Variants in LARGE1 observed in about 807,000 individuals in gnomAD.
LARGE1 encodes LARGE xylosyl- and glucuronyltransferase 1.
Under a neutral mutation model 87.6 loss-of-function variants are expected in LARGE1, and 43 were observed. The ratio of observed to expected loss-of-function variants is 0.49; its 90% confidence interval spans 0.38 to 0.63. The LOEUF (loss-of-function observed/expected upper bound fraction) is 0.63. LARGE1 is among the 30% of genes least tolerant of loss of function. The pLI, the probability that LARGE1 is intolerant of heterozygous loss-of-function variation, is 0.00. For synonymous variants in LARGE1, 434 were observed against 394.6 expected, an observed-to-expected ratio of 1.10 and a Z score of -1.18; for missense variants, 802 against 1,000.2, an observed-to-expected ratio of 0.80 and a Z score of 2.67.
Position 33,432,257 on chromosome 22 carries a change from C to G in LARGE1, c.796G>C (p.Val266Leu), listed in dbSNP as rs145594612. ...CTCTGGTTCTCCACCAAGCCCAGGA[C>G]TTGCTGACCTGTGAGGTACAGAGAA... ...AVFHKFKGQQVLGLVENQSDW... is the reference protein window; with the variant it reads ...AVFHKFKGQQLLGLVENQSDW... Residue 266 changes from valine to leucine, a missense_variant, in exon 7 of 15, where the codon GTC becomes CTC. Around this residue, in one of 2 missense-constraint regions of LARGE1, gnomAD observed 625 missense variants for 841.9 expected, o/e 0.74. Coordinates refer to ENST00000397394, the MANE Select transcript of LARGE1 (RefSeq NM_133642.5). 8.1e-5 allele frequency: 131 copies of G among 1,613,664 alleles called. No homozygotes were observed. Among genetic ancestry groups the G allele is most frequent in the Non-Finnish European group, 1.0e-4 (120 of 1,179,694 alleles).
Position 33,834,318 on chromosome 22 carries a change from T to C in LARGE1, c.-82-72760A>G, listed in dbSNP as rs184042563. The stretch of plus-strand genomic sequence containing the variant: ...CCTCTGAGCCCAAGCTAAGCCATCA[T>C]ATCCCCTGTGACCTGCACGTATACA... On this transcript the variant is annotated intron_variant, in intron 1 of 14. Transcript: ENST00000397394. Among the ~76,000 whole-genome samples the C allele has an allele frequency of 3.3e-5, 5 of 152,314 alleles. No individual in the cohort carries two copies. The South Asian group carries it at 8.3e-4, about 25-fold the overall frequency.
intron 2 of LARGE1, among the ~76,000 whole-genome samples, chr22:33,694,073 G>A (rs1385319972): frequency 6.6e-6 from 1 of 152,180 alleles, no homozygotes; most frequent in Non-Finnish European, 1.5e-5. Flanking sequence ...TCTTGATCTA[G>A]TGAATTCTGG....
the LARGE1 span, among the ~76,000 whole-genome samples, chr22:33,089,359 T>C: frequency 9.5e-3 from 848 of 89,608 alleles, 12 homozygotes; most frequent in African/African-American, 0.035. Context: ...TTCTTCTTCT[T>C]CTTCTTCTTC....
chr22:33,391,275 G>A (rs1418174616), intron 7 of LARGE1, among the ~76,000 whole-genome samples: 1 of 152,116 alleles, frequency 6.6e-6, no homozygotes. Flanking sequence ...GGACTTGGAA[G>A]TTTTTAAAAC....
intron 2 of LARGE1, among the ~76,000 whole-genome samples, chr22:33,687,898 G>C (rs56774425): frequency 0.055 from 8,339 of 152,118 alleles, 732 homozygotes; most frequent in African/African-American, 0.19. Flanking sequence ...TCTCTTGATG[G>C]TAAACATAAT....
chr22:33,249,621 A>T (rs1263140095), intron 11 of LARGE1, among the ~76,000 whole-genome samples: 1 of 152,162 alleles, frequency 6.6e-6, no homozygotes, highest in Non-Finnish European at 1.5e-5. Context: ...ACTATACCCA[A>T]GATCATCTAG....
chr22:33,725,277 G>C (rs1243174945), intron 2 of LARGE1, among the ~76,000 whole-genome samples: 1 of 152,218 alleles, frequency 6.6e-6, no homozygotes. Flanking sequence ...ATCCCAGGAT[G>C]TGGTCTGGGA....
chr22:33,663,156 G>C (rs769841274), intron 2 of LARGE1, among the ~76,000 whole-genome samples: 1 of 152,192 alleles, frequency 6.6e-6, no homozygotes, highest in Non-Finnish European at 1.5e-5. Context: ...ATCAGGGAGA[G>C]AGGGGAATAG....
intron 1 of LARGE1, among the ~76,000 whole-genome samples, chr22:33,778,314 G>A (rs750606753): frequency 6.6e-6 from 1 of 152,108 alleles, no homozygotes; most frequent in Non-Finnish European, 1.5e-5. Flanking sequence ...GTAGTGAGAC[G>A]GGCTTTTTCT....
Position 33,304,395 on chromosome 22 carries a change from C to A in LARGE1, c.1564G>T (p.Val522Leu). ...QFLRYAQGSEVLMSRHNVGYH... is the reference protein window; with the variant it reads ...QFLRYAQGSELLMSRHNVGYH... ...CCCACGTTGTGGCGGCTCATAAGCA[C>A]CTCAGAGCCCTGTGCGTAGCGGAGG... Residue 522 changes from valine to leucine, a missense_variant, in exon 12 of 15, where the codon GTG becomes TTG. Around this residue, in one of 2 missense-constraint regions of LARGE1, gnomAD observed 625 missense variants for 841.9 expected, o/e 0.74. Coordinates refer to ENST00000397394, the MANE Select transcript of LARGE1 (RefSeq NM_133642.5). The A allele has an allele frequency of 6.2e-7, 1 of 1,614,254 alleles. No homozygotes were observed. The highest frequency in any genetic ancestry group is 8.5e-7 in the Non-Finnish European group (1 of 1,180,046).
intron 2 of LARGE1, among the ~76,000 whole-genome samples, chr22:33,689,841 C>G (rs1199829631): frequency 6.6e-6 from 1 of 151,826 alleles, no homozygotes; most frequent in Non-Finnish European, 1.5e-5. Flanking sequence ...GCAGAAGAAT[C>G]GCTTGAACCT....
At chr22:33,523,591 T>C (rs2071724899) in intron 6 of LARGE1, among the ~76,000 whole-genome samples, 1 of 152,210 alleles carries the variant, frequency 6.6e-6, no homozygotes, top group East Asian at 1.9e-4. Context: ...GGTTGCCCTG[T>C]TTTAAATGTC....
chr22:33,493,124 C>T (rs1025346152), intron 6 of LARGE1, among the ~76,000 whole-genome samples: 1 of 151,288 alleles, frequency 6.6e-6, no homozygotes, highest in Non-Finnish European at 1.5e-5. Flanking sequence ...CCATCTCTAT[C>T]CAAATGGATA....
chr22:33,731,884 A>T (rs1601455513), intron 2 of LARGE1, among the ~76,000 whole-genome samples: 2 of 152,294 alleles, frequency 1.3e-5, no homozygotes, highest in Admixed American at 1.3e-4. Flanking sequence ...CGTTTTAAAA[A>T]CAAACAAGGC....
intron 5 of LARGE1, among the ~76,000 whole-genome samples, chr22:33,586,874 C>T (rs1009696340): frequency 1.3e-5 from 2 of 152,148 alleles, no homozygotes; most frequent in East Asian, 3.8e-4. Context: ...AAAAATTGTG[C>T]TACTACAGAA....
chr22:33,320,598 C>A (rs1255125812), intron 10 of LARGE1, among the ~76,000 whole-genome samples: 1 of 152,146 alleles, frequency 6.6e-6, no homozygotes, highest in African/African-American at 2.4e-5. Context: ...GTGTTGCATG[C>A]CTGAAAAATA....
chr22:33,673,614 G>T (rs2081480040), intron 2 of LARGE1, among the ~76,000 whole-genome samples: 2 of 152,152 alleles, frequency 1.3e-5, no homozygotes, highest in South Asian at 4.1e-4. Context: ...CTGCTGTGCA[G>T]CCATCATCAC....
chr22:33,201,519 A>G (rs1158625275), intron 11 of LARGE1, among the ~76,000 whole-genome samples: 1 of 152,162 alleles, frequency 6.6e-6, no homozygotes, highest in Admixed American at 6.5e-5. Context: ...TGTAATTTTG[A>G]ATAGGGTGGT....
chr22:33,639,879 C>T (rs1000664896), intron 3 of LARGE1, among the ~76,000 whole-genome samples: 1 of 152,218 alleles, frequency 6.6e-6, no homozygotes, highest in African/African-American at 2.4e-5. Context: ...AAGAATAAGA[C>T]AGGCAGCTAT....
Sources: gnomAD v4.1 joint callset for allele counts (sites outside exome capture counted in the v4.1 genomes callset) on GRCh38, gnomAD v4.1.1 for gene constraint, gnomAD v4.1.1 regional missense constraint, MANE v1.5 for transcripts, NCBI Gene and HGNC (gene_info 2026-07-23, HGNC 2026-07-21) for gene names.